The following SMARCA2 variants were observed in gnomAD, a reference collection of about 807,000 sequenced individuals.
SMARCA2 encodes SWI/SNF-related matrix-associated actin-dependent regulator of chromatin subfamily A member 2.
SMARCA2 carries 61 observed loss-of-function variants against 199.8 expected under a neutral mutation model. The observed-to-expected ratio is 0.31, with a 90% CI of 0.25 to 0.38. The LOEUF (loss-of-function observed/expected upper bound fraction) is 0.38, where lower values mean the gene tolerates loss of function less well. Among genes scored for constraint, SMARCA2 ranks in the 10% least tolerant of loss-of-function variants. The pLI is 1.00. For missense variants in SMARCA2, 1,344 were observed against 2,012.2 expected (o/e 0.67, Z 6.35); for synonymous variants, 935 against 732.0 (o/e 1.28, Z -4.48).
chr9:2,082,040 A>G, intron 15 of SMARCA2, 45 bp downstream of exon 15: 1 of 1,519,172 alleles, frequency 6.6e-7, no homozygotes. Context: ...TGTATGTTGT[A>G]GAGTGCCCGA....
rs965249876 is a variant in SMARCA2, at chr9:2,051,714, C to G, written c.1047-2883C>G. 5.3e-5 allele frequency among the ~76,000 whole-genome samples: 8 copies of G among 152,178 alleles called. 1 individual carries two copies. The highest frequency in any genetic ancestry group is 4.6e-4 in the Admixed American group (7 of 15,278). The stretch of plus-strand genomic sequence containing the variant: ...GAAAGATCTGCAAGGAATCTAGAAC[C>G]AAGGATGCGGAATAACCAAATCATT... On this transcript the variant is annotated intron_variant, in intron 5 of 33. Transcript: ENST00000349721.
chr9:2,079,549 A>G (rs1339073790), intron 14 of SMARCA2, among the ~76,000 whole-genome samples: 1 of 152,200 alleles, frequency 6.6e-6, no homozygotes. Context: ...AAAAATGACA[A>G]GTAATGCCTT....
At chr9:2,185,675 G>C (rs535516700) in intron 31 of SMARCA2, among the ~76,000 whole-genome samples, 1 of 152,170 alleles carries the variant, frequency 6.6e-6, no homozygotes, top group African/African-American at 2.4e-5. Context: ...GATAAGTGTT[G>C]GCTGCTACTG....
chr9:2,107,406 C>T (rs897982716), intron 23 of SMARCA2, among the ~76,000 whole-genome samples: 1 of 152,230 alleles, frequency 6.6e-6, no homozygotes, highest in Non-Finnish European at 1.5e-5. Context: ...CAACCTCCGC[C>T]TCCTGGGTTC....
intron 24 of SMARCA2, among the ~76,000 whole-genome samples, chr9:2,114,018 T>C (rs952914676): frequency 3.4e-5 from 5 of 147,128 alleles, no homozygotes; most frequent in African/African-American, 1.2e-4. Flanking sequence ...ATAGAACGTT[T>C]ACTATTGCGC....
At chr9:2,082,077 T>A in intron 15 of SMARCA2, 82 bp downstream of exon 15, 1 of 1,177,422 alleles carries the variant, frequency 8.5e-7, no homozygotes, top group Non-Finnish European at 1.2e-6. Flanking sequence ...GTTTTTTACT[T>A]AAGACAGAAT....
At chr9:2,158,696 A>C (rs994409011) in intron 27 of SMARCA2, 1 of 375,154 alleles carries the variant, frequency 2.7e-6, no homozygotes, top group Non-Finnish European at 4.7e-6. Context: ...GCTGAGTTTG[A>C]GTCAGTTGAG....
At chr9:2,100,922 A>C (rs983248492) in intron 21 of SMARCA2, among the ~76,000 whole-genome samples, 18 of 152,106 alleles carry the variant, frequency 1.2e-4, no homozygotes, top group Admixed American at 3.3e-4. Context: ...TCATGGCAGA[A>C]GGTGAAAGGA....
chr9:2,075,663 G>T lies in SMARCA2; in HGVS notation c.1936-566G>T, dbSNP rs535448345. On this transcript the variant is annotated intron_variant, in intron 12 of 33. Coordinates refer to ENST00000349721, the MANE Select transcript of SMARCA2 (RefSeq NM_003070.5). ...GAGTAGATTTTTTTTGTTTTGTTTT[G>T]TGTTTTGTTTTGAGACAGAGTTTCG... Among the ~76,000 whole-genome samples the T allele has an allele frequency of 2.6e-5, 4 of 152,144 alleles. No homozygotes were observed. The South Asian group carries it at 6.2e-4, about 24-fold the overall frequency.
At chr9:2,164,448 C>A (rs931310567) in intron 28 of SMARCA2, among the ~76,000 whole-genome samples, 1 of 152,216 alleles carries the variant, frequency 6.6e-6, no homozygotes, top group African/African-American at 2.4e-5. Context: ...GTTTCCCCAT[C>A]CCAGAATCCC....
Position 2,076,261 on chromosome 9 carries a change from C to A in SMARCA2, c.1968C>A (p.Thr656=). 6.2e-7 allele frequency: 1 copy of A among 1,611,734 alleles called. No homozygotes were observed. Among genetic ancestry groups the A allele is most frequent in the Non-Finnish European group, 8.5e-7 (1 of 1,177,906 alleles). The change falls in exon 13 of 34, where the codon ACC becomes ACA. Residue 656 remains threonine (T), a synonymous_variant. Transcript: ENST00000349721. The stretch of plus-strand genomic sequence containing the variant: ...AAGAAGAGTCCAGTAGGCAGGAAAC[C>A]GAAGAGAAAATACTCCTGGATCCAA... The part of the protein sequence containing the change: ...DEEEESSRQE[T]EEKILLDPNS...
In SMARCA2 at chr9:2,076,216, G is replaced by T. The variant is rs746060458; in HGVS notation, c.1936-13G>T. The stretch of plus-strand genomic sequence containing the variant: ...AAAATATAATTTCCTCCCTATCTTT[G>T]TTCCTTTTCCAGGATGAGGAAGAAG... On this transcript the variant is annotated splice_polypyrimidine_tract_variant and intron_variant, in intron 12 of 33. Transcript: ENST00000349721. 3.1e-5 allele frequency: 44 copies of T among 1,441,332 alleles called. No individual in the cohort carries two copies. The highest frequency in any genetic ancestry group is 6.8e-5 in the Admixed American group (4 of 58,940). 89.3% of individuals were successfully genotyped at this position (1,441,332 alleles called of 1,614,324 possible).
chr9:2,047,575 G>A lies in SMARCA2; in HGVS notation c.1046+91G>A, dbSNP rs1200146723. The A allele has an allele frequency of 1.6e-5, 19 of 1,188,332 alleles. No individual in the cohort carries two copies. The Middle Eastern group carries it at 7.8e-4, about 49-fold the overall frequency. 73.6% of individuals were successfully genotyped at this position (1,188,332 alleles called of 1,614,324 possible). A position where few individuals can be genotyped will look rare whatever the true frequency, so the allele number is the denominator to read the frequency against. Reference sequence around the variant, plus strand: ...GGTGAGGCGCCTGCCTCCTTGGTTGGCCAAACTGTGATTTTCACCCGTGCG... The same window carrying A: ...GGTGAGGCGCCTGCCTCCTTGGTTGACCAAACTGTGATTTTCACCCGTGCG... On this transcript the variant is annotated intron_variant, in intron 5 of 33. Coordinates refer to ENST00000349721, the MANE Select transcript of SMARCA2 (RefSeq NM_003070.5).
chr9:2,121,200 T>C (rs1475868787), intron 26 of SMARCA2, among the ~76,000 whole-genome samples: 3 of 152,184 alleles, frequency 2.0e-5, no homozygotes, highest in African/African-American at 7.2e-5. Context: ...TGCCTTACTT[T>C]TGGGCTATTT....
At chr9:2,146,664 G>C (rs1405831230) in intron 27 of SMARCA2, among the ~76,000 whole-genome samples, 1 of 152,206 alleles carries the variant, frequency 6.6e-6, no homozygotes, top group African/African-American at 2.4e-5. Flanking sequence ...GAGCAGCTTC[G>C]AGGGCTGCTG....
At chr9:2,139,185 C>T (rs1488726320) in intron 27 of SMARCA2, among the ~76,000 whole-genome samples, 2 of 152,188 alleles carry the variant, frequency 1.3e-5, no homozygotes, top group African/African-American at 4.8e-5. Flanking sequence ...CAAAGCCAGG[C>T]CACTGAGACC....
In SMARCA2 at chr9:2,056,655, T is replaced by C. The variant is rs1256416724; in HGVS notation, c.1174-17T>C. ...CTTCTGTTAGGGAAGGCTGTCTAAC[T>C]GCTCTCTTCTTGACAGCTGAGACAG... On this transcript the variant is annotated splice_polypyrimidine_tract_variant and intron_variant, in intron 6 of 33. Coordinates refer to ENST00000349721, the MANE Select transcript of SMARCA2 (RefSeq NM_003070.5). This position sits in a 1 kb window ranked among gnomAD's most constrained non-coding sequence, Gnocchi z 4.0. The C allele has an allele frequency of 6.2e-7, 1 of 1,605,622 alleles. No individual in the cohort carries two copies. Among genetic ancestry groups the C allele is most frequent in the East Asian group, 2.2e-5 (1 of 44,806 alleles).
chr9:2,123,148 T>C lies in SMARCA2; in HGVS notation c.3763-571T>C, dbSNP rs1823538988. ...TGCCCATGAGGTATTGAAAAGTTAGTATATTCATGGCCAATGGACCAGTGA... is the reference window on the plus strand; with the variant it reads ...TGCCCATGAGGTATTGAAAAGTTAGCATATTCATGGCCAATGGACCAGTGA... On this transcript the variant is annotated intron_variant, in intron 26 of 33. Transcript: ENST00000349721. The surrounding 1 kb of genome is among the most constrained non-coding windows in gnomAD (Gnocchi z 4.1). Among the ~76,000 whole-genome samples, 1 of 152,216 alleles carries C rather than the reference T, an allele frequency of 6.6e-6. No individual in the cohort carries two copies. The highest frequency in any genetic ancestry group is 1.5e-5 in the Non-Finnish European group (1 of 68,042).
intron 19 of SMARCA2, among the ~76,000 whole-genome samples, chr9:2,096,286 A>T (rs1023216400): frequency 1.3e-5 from 2 of 152,226 alleles, no homozygotes; most frequent in Admixed American, 1.3e-4. Flanking sequence ...CGTTCTGTTC[A>T]TAGGAAAGGA....
Sources: gnomAD v4.1 joint callset for allele counts (sites outside exome capture counted in the v4.1 genomes callset) on GRCh38, gnomAD v4.1.1 for gene constraint, Gnocchi (gnomAD v3.1) non-coding constraint, MANE v1.5 for transcripts, NCBI Gene and HGNC (gene_info 2026-07-23, HGNC 2026-07-21) for gene names.